Variants in LOXHD1 observed in about 807,000 individuals in gnomAD.
The protein encoded by LOXHD1 is lipoxygenase homology PLAT domains 1, also known as lipoxygenase homology domain-containing protein 1.
Under a neutral mutation model 248.2 loss-of-function variants are expected in LOXHD1, and 205 were observed. That is an observed-to-expected ratio of 0.83 (90% CI 0.74 to 0.93). LOXHD1 has a LOEUF of 0.93. LOXHD1 is among the 40% of genes least tolerant of loss of function. LOXHD1 has a pLI of 0.00. For synonymous variants in LOXHD1, 1,113 were observed against 1,162.8 expected (o/e 0.96, Z 0.87); for missense variants, 2,930 against 2,971.6 (o/e 0.99, Z 0.33).
At chr18:46,555,473 G>T (rs1206316985) in intron 21 of LOXHD1, 1 of 202,266 alleles carries the variant, frequency 4.9e-6, no homozygotes, top group East Asian at 1.2e-4. Flanking sequence ...GTGTTCCCTC[G>T]GGCTGGTAGG....
At chr18:46,646,810 C>A (rs10502874) in intron 2 of LOXHD1, among the ~76,000 whole-genome samples, 12,524 of 152,342 alleles carry the variant, frequency 0.082, 677 homozygotes, top group Non-Finnish European at 0.13. Flanking sequence ...TAAAGTCTCG[C>A]TCTAGCCACA....
At chr18:46,484,964 G>A in intron 39 of LOXHD1, 55 bp downstream of exon 39, 4 of 1,535,434 alleles carry the variant, frequency 2.6e-6, no homozygotes, top group Non-Finnish European at 3.5e-6. Context: ...AGATTCTCGG[G>A]GTCCTCCCTT....
intron 5 of LOXHD1, among the ~76,000 whole-genome samples, chr18:46,611,277 T>C (rs1979369): frequency 0.18 from 28,071 of 152,204 alleles, 3,026 homozygotes; most frequent in East Asian, 0.43. Context: ...AAAGGGGCTG[T>C]CGGTATTCAG....
At chr18:46,644,506 C>G (rs1341885274) in intron 2 of LOXHD1, among the ~76,000 whole-genome samples, 1 of 152,152 alleles carries the variant, frequency 6.6e-6, no homozygotes, top group Non-Finnish European at 1.5e-5. Flanking sequence ...TCATTTGAGG[C>G]TGGGAATTGA....
At chr18:46,533,054 G>T in intron 28 of LOXHD1, 108 bp downstream of exon 28, 1 of 1,226,352 alleles carries the variant, frequency 8.2e-7, no homozygotes, top group Non-Finnish European at 1.1e-6. Context: ...GGTAACAACA[G>T]ACCCTACTCC....
intron 2 of LOXHD1, among the ~76,000 whole-genome samples, chr18:46,648,759 C>T (rs192661988): frequency 4.6e-5 from 7 of 152,192 alleles, no homozygotes; most frequent in South Asian, 2.1e-4. Flanking sequence ...CTGGTGAGAC[C>T]TTGTATTTTA....
intron 36 of LOXHD1, 125 bp from the exon 37 acceptor site, chr18:46,506,148 G>C: frequency 2.0e-6 from 2 of 987,498 alleles, no homozygotes; most frequent in Non-Finnish European, 3.0e-6. Context: ...ACAGACTCAA[G>C]AAGGCCAGGG....
At chr18:46,486,077 T>C (rs1256545859) in intron 38 of LOXHD1, among the ~76,000 whole-genome samples, 2 of 152,020 alleles carry the variant, frequency 1.3e-5, no homozygotes, top group East Asian at 3.9e-4. Context: ...CTAATTAAAA[T>C]TGCTACCTGA....
At chr18:46,506,048 T>G in intron 36 of LOXHD1, 25 bp from the exon 37 acceptor site, 1 of 1,550,702 alleles carries the variant, frequency 6.4e-7, no homozygotes, top group Non-Finnish European at 8.7e-7. Flanking sequence ...AGGTGAGGCT[T>G]AGGGTGCCAG....
chr18:46,533,702 T>C, intron 27 of LOXHD1: 1 of 326,750 alleles, frequency 3.1e-6, no homozygotes, highest in South Asian at 2.5e-5. Flanking sequence ...GGCGGGTGGA[T>C]TACCTGATGT....
At chr18:46,570,651 G>A (rs2037734367) in intron 15 of LOXHD1, among the ~76,000 whole-genome samples, 1 of 152,172 alleles carries the variant, frequency 6.6e-6, no homozygotes, top group Non-Finnish European at 1.5e-5. Flanking sequence ...TCAACCAGGG[G>A]TGTTCAATCT....
At chr18:46,488,907 C>A in intron 38 of LOXHD1, 65 bp downstream of exon 38, 1 of 1,495,062 alleles carries the variant, frequency 6.7e-7, no homozygotes, top group Non-Finnish European at 9.0e-7. Flanking sequence ...CCAGCTGGAA[C>A]GGTGTCTTCT....
intron 1 of LOXHD1, 146 bp downstream of exon 1, chr18:46,656,758 C>T: frequency 3.0e-6 from 3 of 984,234 alleles, no homozygotes; most frequent in Non-Finnish European, 4.4e-6. Flanking sequence ...CTTCTTACTC[C>T]GAGGGGATAT....
At chr18:46,642,782 C>T (rs1205036962) in intron 2 of LOXHD1, among the ~76,000 whole-genome samples, 1 of 152,232 alleles carries the variant, frequency 6.6e-6, no homozygotes, top group East Asian at 1.9e-4. Context: ...GTTTGAAGCT[C>T]ATGTCAACAG....
At chr18:46,653,819 T>A (rs2039143537) in intron 1 of LOXHD1, among the ~76,000 whole-genome samples, 1 of 152,232 alleles carries the variant, frequency 6.6e-6, no homozygotes, top group Admixed American at 6.5e-5. Flanking sequence ...AAATTCTTCC[T>A]TGAAGGACTG....
intron 28 of LOXHD1, among the ~76,000 whole-genome samples, chr18:46,532,233 G>C (rs1200675434): frequency 6.6e-6 from 1 of 152,204 alleles, no homozygotes; most frequent in Non-Finnish European, 1.5e-5. Context: ...TATCATCAGG[G>C]GTAGAAAGTC....
At chr18:46,646,902 C>T (rs1402534864) in intron 2 of LOXHD1, among the ~76,000 whole-genome samples, 3 of 152,230 alleles carry the variant, frequency 2.0e-5, no homozygotes, top group African/African-American at 7.2e-5. Flanking sequence ...AGACCTTCCC[C>T]CAGGCCATCC....
intron 4 of LOXHD1, among the ~76,000 whole-genome samples, chr18:46,625,921 A>G (rs193262021): frequency 2.6e-4 from 39 of 151,986 alleles, no homozygotes; most frequent in African/African-American, 9.4e-4. Context: ...TCCAACCCAG[A>G]CTCTAGTAGA....
chr18:46,553,260 G>T (rs11660225), intron 21 of LOXHD1, among the ~76,000 whole-genome samples: 3 of 152,286 alleles, frequency 2.0e-5, no homozygotes, highest in African/African-American at 7.2e-5. Context: ...GATCAGGAAG[G>T]GTGCTGGGCG....
Sources: allele counts gnomAD v4.1 joint callset (sites outside exome capture counted in the v4.1 genomes callset), GRCh38; gene constraint gnomAD v4.1.1; transcripts MANE v1.5; gene names NCBI Gene and HGNC (gene_info 2026-07-23, HGNC 2026-07-21).